The following R3HCC1L variants were observed in gnomAD, a reference collection of about 807,000 sequenced individuals.
R3HCC1L encodes coiled-coil domain-containing protein R3HCC1L.
In R3HCC1L, 51 loss-of-function variants were observed where a neutral mutation model predicts 59.9. That is an observed-to-expected ratio of 0.85 (90% CI 0.68 to 1.07). The LOEUF (loss-of-function observed/expected upper bound fraction) is 1.07. R3HCC1L is among the 50% of genes least tolerant of loss of function. The probability of loss-of-function intolerance (pLI) is 0.00; values close to 1 mark genes in which losing one functional copy is unlikely to be tolerated. For missense variants in R3HCC1L, 965 were observed against 933.0 expected, an observed-to-expected ratio of 1.03 and a Z score of -0.45; for synonymous variants, 322 against 315.2, an observed-to-expected ratio of 1.02 and a Z score of -0.23.
chr10:98,172,647 CG>C (rs1848626507), intron 4 of R3HCC1L, among the ~76,000 whole-genome samples: 1 of 152,134 alleles, frequency 6.6e-6, no homozygotes, highest in African/African-American at 2.4e-5. Flanking sequence ...TGAGATTTAG[CG>C]GAACAGGCAG....
At chr10:98,174,947 G>A (rs557494329) in intron 4 of R3HCC1L, among the ~76,000 whole-genome samples, 183 of 152,170 alleles carry the variant, frequency 1.2e-3, no homozygotes, top group African/African-American at 4.1e-3. Flanking sequence ...AAATAAAACC[G>A]TTCAAATTAA....
chr10:98,183,959 T>G (rs1295635087), intron 4 of R3HCC1L, among the ~76,000 whole-genome samples: 3 of 35,486 alleles, frequency 8.5e-5, no homozygotes, highest in South Asian at 1.3e-3. Flanking sequence ...CCTTTTTCGG[T>G]TTTTTTTTTT....
chr10:98,157,373 A>G (rs555120987), intron 2 of R3HCC1L, among the ~76,000 whole-genome samples: 19 of 152,314 alleles, frequency 1.2e-4, no homozygotes, highest in South Asian at 2.1e-4. Context: ...TAATCACCCA[A>G]TTTTAAAGAC....
rs556743545 is a variant in R3HCC1L at position 98,200,620 on chromosome 10, A to G, written c.-14-7481A>G. On this transcript the variant is annotated intron_variant, in intron 4 of 9. Coordinates refer to ENST00000298999, the MANE Select transcript of R3HCC1L (RefSeq NM_001351015.2). ...ATAGAATCTGGCCCATTGAAGACTTATAAAATAGACTTCCGTCGGCACTGC... is the reference window on the plus strand; with the variant it reads ...ATAGAATCTGGCCCATTGAAGACTTGTAAAATAGACTTCCGTCGGCACTGC... Among the ~76,000 whole-genome samples, 222 of 152,284 alleles carry G rather than the reference A, an allele frequency of 1.5e-3. 1 individual carries two copies. The highest frequency in any genetic ancestry group is 1.4e-3 in the Non-Finnish European group (92 of 67,976).
At chr10:98,218,997 C>T (rs1327325674) in intron 5 of R3HCC1L, among the ~76,000 whole-genome samples, 2 of 152,164 alleles carry the variant, frequency 1.3e-5, no homozygotes, top group Non-Finnish European at 2.9e-5. Flanking sequence ...CTGCACCCTC[C>T]ACCTTCTGGG....
intron 4 of R3HCC1L, among the ~76,000 whole-genome samples, chr10:98,198,030 T>G (rs1182359248): frequency 6.6e-6 from 1 of 152,158 alleles, no homozygotes; most frequent in Non-Finnish European, 1.5e-5. Context: ...AGAATCTGAT[T>G]GGTCTTTTAG....
rs71007380 is a variant in R3HCC1L, at chr10:98,183,958, G to GTTTTTTTTTTTTTTTTTTTTTT, written c.-15+20576_-15+20577insTTTTTTTTTTTTTTTTTTTTTT. ...TTTTTTTTTCTTTGCTCCTTTTTCG[G>GTTTTTTTTTTTTTTTTTTTTTT]TTTTTTTTTTTTTTTGGTTGAAATC... On this transcript the variant is annotated intron_variant, in intron 4 of 9. Transcript: ENST00000298999. Among the ~76,000 whole-genome samples, 39 of 126,552 alleles carry GTTTTTTTTTTTTTTTTTTTTTT rather than the reference G, an allele frequency of 3.1e-4. 1 individual carries two copies. The highest frequency in any genetic ancestry group is 1.1e-3 in the African/African-American group (36 of 33,352). The allele number at this position is 126,552 out of a possible 152,430, so 83.0% of individuals were successfully genotyped here.
intron 4 of R3HCC1L, among the ~76,000 whole-genome samples, chr10:98,173,079 A>G (rs1848669488): frequency 6.6e-6 from 1 of 152,192 alleles, no homozygotes; most frequent in South Asian, 2.1e-4. Flanking sequence ...GCAGAAATGG[A>G]ATTTTCATTC....
chr10:98,156,029 A>G (rs1411892895), intron 1 of R3HCC1L, 64 bp from the exon 2 acceptor site: 1 of 152,020 alleles, frequency 6.6e-6, no homozygotes, highest in Non-Finnish European at 1.5e-5. Context: ...CACAAGGTCA[A>G]TCACAGTAAT....
intron 1 of R3HCC1L, among the ~76,000 whole-genome samples, chr10:98,153,689 A>G (rs913423697): frequency 1.3e-5 from 2 of 151,910 alleles, no homozygotes; most frequent in African/African-American, 4.8e-5. Context: ...CATAAGACAG[A>G]CAGAATGGAC....
chr10:98,150,276 C>T (rs2095365), intron 1 of R3HCC1L, among the ~76,000 whole-genome samples: 39,481 of 152,144 alleles, frequency 0.26, 6,089 homozygotes, highest in South Asian at 0.42. Flanking sequence ...TCCCAAATTG[C>T]TGTCTTGCTA....
chr10:98,208,576 T>C lies in R3HCC1L; in HGVS notation c.462T>C (p.Asp154=). 2 of 1,614,122 alleles carry C rather than the reference T, an allele frequency of 1.2e-6. No individual in the cohort carries two copies. The highest frequency in any genetic ancestry group is 1.1e-5 in the South Asian group (1 of 91,088). ...AGTGTTTGGAAGTTGAAACTACGGA[T>C]GTGACAGGACATGAGAGGATACTTC... ...KVECLEVETT[D]VTGHERILLS... The change falls in exon 5 of 10, where the codon GAT becomes GAC. Residue 154 remains aspartate (D), a synonymous_variant. Coordinates refer to ENST00000298999, the MANE Select transcript of R3HCC1L (RefSeq NM_001351015.2).
chr10:98,234,351 C>T lies in R3HCC1L; in HGVS notation c.1962-95C>T, dbSNP rs573511700. On this transcript the variant is annotated intron_variant, in intron 6 of 9. Transcript: ENST00000298999. ...CCACCTGTGCACTCGTTGAGTGTTT[C>T]TATCTTGTGAAATGCTTTATGAGAT... 2.4e-5 allele frequency: 27 copies of T among 1,125,840 alleles called. 1 individual carries two copies. In the South Asian group the frequency reaches 3.6e-4, roughly 15 times the overall value. 69.7% of individuals were successfully genotyped at this position (1,125,840 alleles called of 1,614,324 possible).
At chr10:98,216,181 T>C (rs912432423) in intron 5 of R3HCC1L, among the ~76,000 whole-genome samples, 27 of 152,150 alleles carry the variant, frequency 1.8e-4, no homozygotes, top group African/African-American at 5.1e-4. Flanking sequence ...TCAATTTTTT[T>C]CCCCCAATTT....
chr10:98,207,462 C>A (rs1459274181), intron 4 of R3HCC1L, among the ~76,000 whole-genome samples: 1 of 152,144 alleles, frequency 6.6e-6, no homozygotes, highest in Non-Finnish European at 1.5e-5. Flanking sequence ...CTAGCCAGAT[C>A]TGTTTTATTA....
chr10:98,208,253 G>A lies in R3HCC1L; in HGVS notation c.139G>A (p.Val47Met), dbSNP rs779202001. The A allele has an allele frequency of 6.2e-7, 1 of 1,614,062 alleles. No individual in the cohort carries two copies. The highest frequency in any genetic ancestry group is 1.1e-5 in the South Asian group (1 of 91,084). ...AAGCTGTGGTTCACCTAACTCTGTG[G>A]TGAAAGAAAAGCAAAAAGAAAGTTC... is the stretch of plus-strand genomic sequence containing the variant. ...EESCGSPNSV[V>M]KEKQKESSLS... Residue 47 changes from valine (V) to methionine (M), a missense_variant, in exon 5 of 10, where the codon GTG becomes ATG. Coordinates refer to ENST00000298999, the MANE Select transcript of R3HCC1L (RefSeq NM_001351015.2).
At chr10:98,233,742 A>C (rs1411097935) in intron 6 of R3HCC1L, among the ~76,000 whole-genome samples, 5 of 152,188 alleles carry the variant, frequency 3.3e-5, no homozygotes, top group African/African-American at 2.4e-5. Context: ...TCTAGTACTT[A>C]AATGTTCATT....
chr10:98,177,766 T>A (rs1849188351), intron 4 of R3HCC1L, among the ~76,000 whole-genome samples: 1 of 152,222 alleles, frequency 6.6e-6, no homozygotes, highest in Admixed American at 6.5e-5. Flanking sequence ...TTGATTTGCA[T>A]TTTTCTGATC....
At chr10:98,230,524 C>G (rs1289816771) in intron 5 of R3HCC1L, among the ~76,000 whole-genome samples, 4 of 152,040 alleles carry the variant, frequency 2.6e-5, no homozygotes, top group Non-Finnish European at 5.9e-5. Flanking sequence ...TTCAGAAAAC[C>G]AGCTCCTGGA....
Sources: gnomAD v4.1 joint callset for allele counts (sites outside exome capture counted in the v4.1 genomes callset) on GRCh38, gnomAD v4.1.1 for gene constraint, MANE v1.5 for transcripts, NCBI Gene and HGNC (gene_info 2026-07-23, HGNC 2026-07-21) for gene names.